Variants in TIAM1 observed in about 807,000 individuals in gnomAD.
The protein encoded by TIAM1 is rho guanine nucleotide exchange factor TIAM1.
A neutral mutation model predicts 163.5 loss-of-function variants in TIAM1; 65 were observed. The observed-to-expected ratio is 0.40, with a 90% CI of 0.33 to 0.49. TIAM1 has a LOEUF of 0.49. Ranked by LOEUF, TIAM1 falls within the 20% of genes least tolerant of loss-of-function variation. The pLI is 0.77. For missense variants in TIAM1, 1,789 were observed against 2,044.7 expected (o/e 0.87, Z 2.41); for synonymous variants, 833 against 810.1 (o/e 1.03, Z -0.48).
chr21:31,253,365 T>G (rs1317209112), intron 4 of TIAM1, among the ~76,000 whole-genome samples: 1 of 152,212 alleles, frequency 6.6e-6, no homozygotes, highest in African/African-American at 2.4e-5. Flanking sequence ...AACCAGATAT[T>G]CTGAATTACC....
chr21:31,446,170 A>T (rs2044616220), intron 2 of TIAM1, among the ~76,000 whole-genome samples: 1 of 151,980 alleles, frequency 6.6e-6, no homozygotes, highest in Non-Finnish European at 1.5e-5. Context: ...TGAACTCCTG[A>T]CCTCAGGTGA....
chr21:31,337,047 G>A (rs770085503), intron 2 of TIAM1, among the ~76,000 whole-genome samples: 7 of 152,214 alleles, frequency 4.6e-5, no homozygotes, highest in Middle Eastern at 3.2e-3. Flanking sequence ...CAAGAGACTA[G>A]ACTCCATAGG....
At chr21:31,211,195 G>C (rs59115127) in intron 10 of TIAM1, among the ~76,000 whole-genome samples, 1,978 of 152,226 alleles carry the variant, frequency 0.013, 49 homozygotes, top group African/African-American at 0.044. Flanking sequence ...AATGAAGTTT[G>C]TGAATGTGGG....
intron 2 of TIAM1, among the ~76,000 whole-genome samples, chr21:31,408,703 T>A (rs966783793): frequency 9.8e-5 from 15 of 152,318 alleles, no homozygotes; most frequent in African/African-American, 3.6e-4. Flanking sequence ...TTATTTTTCA[T>A]CTTCTCCCCA....
chr21:31,268,737 G>A (rs563715497), intron 3 of TIAM1, among the ~76,000 whole-genome samples: 1 of 152,100 alleles, frequency 6.6e-6, no homozygotes, highest in African/African-American at 2.4e-5. Context: ...AAAGATCAAC[G>A]GTCTGTGCAC....
At chr21:31,476,242 A>G (rs1401336232) in intron 1 of TIAM1, among the ~76,000 whole-genome samples, 1 of 152,248 alleles carries the variant, frequency 6.6e-6, no homozygotes, top group Non-Finnish European at 1.5e-5. Flanking sequence ...AATGTGCATT[A>G]TTAGCTTTGC....
At chr21:31,428,258 C>CAA (rs200461440) in intron 2 of TIAM1, among the ~76,000 whole-genome samples, 1 of 151,398 alleles carries the variant, frequency 6.6e-6, no homozygotes, top group African/African-American at 2.4e-5. Flanking sequence ...CCCATCTCAA[C>CAA]AAAAAAAAGA....
At chr21:31,378,931 T>C (rs912731161) in intron 2 of TIAM1, among the ~76,000 whole-genome samples, 2 of 152,212 alleles carry the variant, frequency 1.3e-5, no homozygotes, top group Admixed American at 1.3e-4. Flanking sequence ...TTGGAGAATG[T>C]GCATAGGTTT....
chr21:31,351,733 C>T (rs928020566), intron 2 of TIAM1, among the ~76,000 whole-genome samples: 1 of 152,116 alleles, frequency 6.6e-6, no homozygotes, highest in African/African-American at 2.4e-5. Context: ...TACAGACTTC[C>T]TCAGTTAGGA....
rs764188623 is a variant in TIAM1, at chr21:31,266,376, G to T, written c.597C>A (p.Ile199=). 2 of 1,614,092 alleles carry T rather than the reference G, an allele frequency of 1.2e-6. No individual in the cohort carries two copies. The highest frequency in any genetic ancestry group is 2.7e-5 in the African/African-American group (2 of 74,924). ...SQEHLTSNEE[I]LGSAEEKDCE... Reference sequence around the variant, plus strand: ...AGTCCTTCTCTTCGGCGGAACCCAAGATTTCTTCGTTGCTTGTTAAATGTT... The same window carrying T: ...AGTCCTTCTCTTCGGCGGAACCCAATATTTCTTCGTTGCTTGTTAAATGTT... Residue 199 remains isoleucine (I), a synonymous_variant, in exon 4 of 28, where the codon ATC becomes ATA. Coordinates refer to ENST00000541036, the MANE Select transcript of TIAM1 (RefSeq NM_001353694.2).
chr21:31,335,160 G>A (rs758587618), intron 2 of TIAM1, among the ~76,000 whole-genome samples: 3 of 152,136 alleles, frequency 2.0e-5, no homozygotes, highest in South Asian at 2.1e-4. Flanking sequence ...AGAGGTTCCC[G>A]GTTCCTAAAG....
At chr21:31,254,879 G>A (rs116506356) in intron 4 of TIAM1, among the ~76,000 whole-genome samples, 96 of 152,262 alleles carry the variant, frequency 6.3e-4, no homozygotes, top group African/African-American at 2.1e-3. Context: ...GGAAAAGCGA[G>A]GCAGAAACCC....
intron 2 of TIAM1, among the ~76,000 whole-genome samples, chr21:31,305,782 A>G (rs2074685731): frequency 6.6e-6 from 1 of 152,248 alleles, no homozygotes; most frequent in African/African-American, 2.4e-5. Context: ...TAGGCACAAA[A>G]ACAATTCTCC....
At chr21:31,511,147 G>C (rs1470428311) in intron 1 of TIAM1, among the ~76,000 whole-genome samples, 1 of 152,318 alleles carries the variant, frequency 6.6e-6, no homozygotes, top group South Asian at 2.1e-4. Flanking sequence ...GTCTGGGCTT[G>C]TGCCCTGCAG....
At chr21:31,556,460 G>A (rs1471957371) in intron 1 of TIAM1, among the ~76,000 whole-genome samples, 1 of 152,130 alleles carries the variant, frequency 6.6e-6, no homozygotes, top group Non-Finnish European at 1.5e-5. Flanking sequence ...AAAGGCCCCT[G>A]GGGCCTACAT....
At chr21:31,339,853 T>C (rs1476274124) in intron 1 of TIAM1, among the ~76,000 whole-genome samples, 1 of 152,126 alleles carries the variant, frequency 6.6e-6, no homozygotes, top group Non-Finnish European at 1.5e-5. Context: ...CTAACACTTG[T>C]TTTCAAGCAA....
chr21:31,266,961 T>G lies in TIAM1; in HGVS notation c.12A>C (p.Ala4=). The G allele has an allele frequency of 6.2e-7, 1 of 1,603,048 alleles. No homozygotes were observed. Among genetic ancestry groups the G allele is most frequent in the Non-Finnish European group, 8.5e-7 (1 of 1,172,330 alleles). ...ACTCGTGCTCTACATGTTGACTTTC[T>G]GCGTTTCCCATGGTTTTATGGTCTG... MGN[A]ESQHVEHEFY... The change falls in exon 4 of 28, where the codon GCA becomes GCC. Residue 4 remains alanine (A), a synonymous_variant. Transcript: ENST00000541036.
At chr21:31,479,455 A>AAG (rs1569368176) in intron 1 of TIAM1, among the ~76,000 whole-genome samples, 1 of 67,980 alleles carries the variant, frequency 1.5e-5, no homozygotes, top group African/African-American at 5.2e-5. Context: ...ATGGATGGAT[A>AAG]GATGGATGGA....
intron 2 of TIAM1, among the ~76,000 whole-genome samples, chr21:31,394,046 G>A (rs1953345): frequency 0.038 from 5,778 of 152,032 alleles, 316 homozygotes; most frequent in East Asian, 0.24. Context: ...ACAAAAACCC[G>A]CATGTGAATG....
Sources: gnomAD v4.1 joint callset for allele counts (sites outside exome capture counted in the v4.1 genomes callset) on GRCh38, gnomAD v4.1.1 for gene constraint, MANE v1.5 for transcripts, NCBI Gene and HGNC (gene_info 2026-07-23, HGNC 2026-07-21) for gene names.